Variants in VGF observed in about 807,000 individuals in gnomAD.
The protein encoded by VGF is VGF nerve growth factor inducible, also known as neurosecretory protein VGF.
VGF carries 13 observed loss-of-function variants against 41.1 expected under a neutral mutation model. That is an observed-to-expected ratio of 0.32 (90% CI 0.21 to 0.50). The LOEUF is 0.50. Ranked by LOEUF, VGF falls within the 20% of genes least tolerant of loss-of-function variation. VGF has a pLI of 0.98. For synonymous variants in VGF, 473 were observed against 418.3 expected, an observed-to-expected ratio of 1.13 and a Z score of -1.60; for missense variants, 920 against 882.1, an observed-to-expected ratio of 1.04 and a Z score of -0.54.
intron 1 of VGF, 99 bp from the exon 2 acceptor site, chr7:101,164,962 C>T (rs1043964745): frequency 1.4e-6 from 2 of 1,418,862 alleles, no homozygotes; most frequent in East Asian, 2.6e-5. Flanking sequence ...AAACCCGGGG[C>T]TTCCCTGATC....
upstream of VGF, chr7:101,165,646 T>G: frequency 3.0e-6 from 3 of 985,178 alleles, no homozygotes; most frequent in Non-Finnish European, 3.6e-6. Context: ...CCCATTGACG[T>G]CAATGTTCAT....
In VGF at chr7:101,163,011, C is replaced by A. The variant is rs774539635; in HGVS notation, c.1833G>T (p.Leu611=). Residue 611 remains leucine (L), a synonymous_variant, in exon 2 of 2, where the codon CTG becomes CTT. Transcript: ENST00000249330. This position sits in a 1 kb window ranked among gnomAD's most constrained non-coding sequence, Gnocchi z 5.0. ...GGAAGGGCAGTCACGGGCGCCGGAG[C>A]AGCACGTGCTCGATGTAATTCTCCA... The part of the protein sequence containing the change: ...EELENYIEHV[L]LRRP 1 of 1,502,954 alleles carries A rather than the reference C, an allele frequency of 6.7e-7. No homozygotes were observed. The highest frequency in any genetic ancestry group is 2.7e-5 in the East Asian group (1 of 36,534). The allele number at this position is 1,502,954 out of a possible 1,614,324, so 93.1% of individuals were successfully genotyped here.
At chr7:101,166,788 C>A (rs1797226550), upstream of VGF, among the ~76,000 whole-genome samples, 1 of 57,160 alleles carries the variant, frequency 1.7e-5, no homozygotes, top group Admixed American at 2.5e-4. Flanking sequence ...GGGGGGAGGA[C>A]GGAAATGGGG....
chr7:101,163,016 C>T lies in VGF; in HGVS notation c.1828G>A (p.Val610Met). 1 of 1,530,886 alleles carries T rather than the reference C, an allele frequency of 6.5e-7. No homozygotes were observed. The highest frequency in any genetic ancestry group is 8.8e-7 in the Non-Finnish European group (1 of 1,142,788). 94.8% of individuals were successfully genotyped at this position (1,530,886 alleles called of 1,614,324 possible). ...QEELENYIEH[V>M]LLRRP is the part of the protein sequence containing the mutation. The stretch of plus-strand genomic sequence containing the variant: ...GGCAGTCACGGGCGCCGGAGCAGCA[C>T]GTGCTCGATGTAATTCTCCAGCTCC... The change falls in exon 2 of 2, where the codon GTG (valine) becomes ATG (methionine). Residue 610 changes from valine to methionine, a missense_variant. Val to Met is a conservative substitution (Grantham distance 21, BLOSUM62 1). Coordinates refer to ENST00000249330, the MANE Select transcript of VGF (RefSeq NM_003378.4). This position sits in a 1 kb window ranked among gnomAD's most constrained non-coding sequence, Gnocchi z 5.0.
rs1797159463 is a variant in VGF, at chr7:101,163,686, G to C, written c.1158C>G (p.Ala386=). ...CCTCCTCCGCCTCTGCCTCCGCCTCGGCCGCCTCCTCATCCTCTTCCCCCA... is the reference window on the plus strand; with the variant it reads ...CCTCCTCCGCCTCTGCCTCCGCCTCCGCCGCCTCCTCATCCTCTTCCCCCA... ...ERVGEEDEEA[A]EAEAEAEEAE... is the part of the protein sequence containing the mutation. The change falls in exon 2 of 2, where the codon GCC becomes GCG. Residue 386 remains alanine, a synonymous_variant. Transcript: ENST00000249330. This position sits in a 1 kb window ranked among gnomAD's most constrained non-coding sequence, Gnocchi z 5.0. 1.3e-6 allele frequency: 2 copies of C among 1,536,336 alleles called. No homozygotes were observed. The highest frequency in any genetic ancestry group is 1.7e-6 in the Non-Finnish European group (2 of 1,146,676).
chr7:101,163,993 C>T lies in VGF; in HGVS notation c.851G>A (p.Ser284Asn). 5 of 1,470,372 alleles carry T rather than the reference C, an allele frequency of 3.4e-6. No homozygotes were observed. Among genetic ancestry groups the T allele is most frequent in the Admixed American group, 2.7e-5 (1 of 36,980 alleles). The allele number at this position is 1,470,372 out of a possible 1,614,324, so 91.1% of individuals were successfully genotyped here. A position where few individuals can be genotyped will look rare whatever the true frequency, so the allele number is the denominator to read the frequency against. The change falls in exon 2 of 2, where the codon AGC (serine) becomes AAC (asparagine). Residue 284 changes from serine (S) to asparagine (N), a missense_variant. Physicochemically the swap from Ser to Asn is conservative, Grantham distance 46. This residue lies in a region of VGF where 654 missense variants were observed against 638.4 expected (regional missense o/e 1.02). Coordinates refer to ENST00000249330, the MANE Select transcript of VGF (RefSeq NM_003378.4). The surrounding 1 kb of genome is among the most constrained non-coding windows in gnomAD (Gnocchi z 5.0). Reference protein sequence around the residue: ...APFPKARRPESALLGGSEAGE... With the variant: ...APFPKARRPENALLGGSEAGE... ...CGCCTCGGAGCCGCCCAGGAGTGCG[C>T]TCTCCGGCCGGCGCGCCTTGGGGAA...
upstream of VGF, among the ~76,000 whole-genome samples, chr7:101,169,725 A>G (rs1209204214): frequency 7.9e-5 from 12 of 152,124 alleles, no homozygotes; most frequent in Admixed American, 7.9e-4. Flanking sequence ...CCACACGCAC[A>G]TAGTAACATA....
chr7:101,165,319 C>G, intron 1 of VGF, 55 bp downstream of exon 1: 1 of 986,260 alleles, frequency 1.0e-6, no homozygotes, highest in Non-Finnish European at 1.2e-6. Flanking sequence ...AGAACCCTCC[C>G]TCACGCCCAC....
rs1268633381 is a variant in VGF at position 101,163,693 on chromosome 7, T to G, written c.1151A>C (p.Glu384Ala). ...CGCCTCTGCCTCCGCCTCGGCCGCC[T>G]CCTCATCCTCTTCCCCCACCCTCTC... ...GEERVGEEDE[E>A]AAEAEAEAEE... Residue 384 changes from glutamate to alanine, a missense_variant, in exon 2 of 2, where the codon GAG becomes GCG. Transcript: ENST00000249330. The surrounding 1 kb of genome is among the most constrained non-coding windows in gnomAD (Gnocchi z 5.0). 1.6e-5 allele frequency: 25 copies of G among 1,534,722 alleles called. No homozygotes were observed. The highest frequency in any genetic ancestry group is 2.0e-5 in the Non-Finnish European group (23 of 1,146,350).
upstream of VGF, among the ~76,000 whole-genome samples, chr7:101,166,519 G>GGT (rs1013877044): frequency 1.3e-5 from 2 of 150,288 alleles, no homozygotes; most frequent in Non-Finnish European, 3.0e-5. Context: ...CGCAGGTGGG[G>GGT]GGGGGGTGAC....
At chr7:101,165,085 G>T (rs1369396097) in intron 1 of VGF, 2 of 1,237,616 alleles carry the variant, frequency 1.6e-6, no homozygotes, top group Non-Finnish European at 2.0e-6. Context: ...GCTTACCCAG[G>T]GCCTCCTCGG....
In VGF at chr7:101,163,054, A is replaced by G. The variant is rs868795608; in HGVS notation, c.1790T>C (p.Leu597Pro). Residue 597 changes from leucine (L) to proline (P), a missense_variant, in exon 2 of 2, where the codon CTG (leucine) becomes CCG (proline). Physicochemically the swap from Leu to Pro is moderately conservative, Grantham distance 98. This residue lies in a region of VGF where 257 missense variants were observed against 217.2 expected (regional missense o/e 1.18). Transcript: ENST00000249330. The surrounding 1 kb of genome is among the most constrained non-coding windows in gnomAD (Gnocchi z 5.0). ...QEEAEAEERRLQEQEELENYI... is the reference protein window; with the variant it reads ...QEEAEAEERRPQEQEELENYI... Reference sequence around the variant, plus strand: ...ATTCTCCAGCTCCTCCTGCTCCTGCAGCCGGCGCTCCTCCGCCTCCGCCTC... The same window carrying G: ...ATTCTCCAGCTCCTCCTGCTCCTGCGGCCGGCGCTCCTCCGCCTCCGCCTC... The G allele has an allele frequency of 6.4e-7, 1 of 1,571,244 alleles. No individual in the cohort carries two copies. Among genetic ancestry groups the G allele is most frequent in the Non-Finnish European group, 8.6e-7 (1 of 1,163,468 alleles).
At chr7:101,167,088 T>C (rs1797233372), upstream of VGF, among the ~76,000 whole-genome samples, 1 of 152,050 alleles carries the variant, frequency 6.6e-6, no homozygotes, top group South Asian at 2.1e-4. The surrounding 1 kb of genome is among the most constrained non-coding windows in gnomAD (Gnocchi z 4.2). Flanking sequence ...GCCCCCCTCC[T>C]CACCTCTTCC....
At position 101,162,704 on chromosome 7, in the gene VGF, G is replaced by T. The variant is rs1797126044; in HGVS notation, c.*292C>A. 1.8e-6 allele frequency: 1 copy of T among 542,278 alleles called. No homozygotes were observed. The highest frequency in any genetic ancestry group is 2.5e-5 in the Admixed American group (1 of 39,288). The allele number at this position is 542,278 out of a possible 1,614,324, so 33.6% of individuals were successfully genotyped here. ...AACTGCTTTTTCCGGTTTCCGACGG[G>T]GACGTCCCCAGAGGGACTTGATGGG... On this transcript the variant is annotated 3_prime_UTR_variant, in exon 2 of 2. Transcript: ENST00000249330. The surrounding 1 kb of genome is among the most constrained non-coding windows in gnomAD (Gnocchi z 4.2).
rs141458667 is a variant in VGF, at chr7:101,163,521, C to G, written c.1323G>C (p.Glu441Asp). 638 of 1,609,574 alleles carry G rather than the reference C, an allele frequency of 4.0e-4. 1 individual carries two copies. The highest frequency in any genetic ancestry group is 4.5e-4 in the South Asian group (41 of 90,316). Residue 441 changes from glutamate to aspartate, a missense_variant, in exon 2 of 2, where the codon GAG becomes GAC. Coordinates refer to ENST00000249330, the MANE Select transcript of VGF (RefSeq NM_003378.4). This position sits in a 1 kb window ranked among gnomAD's most constrained non-coding sequence, Gnocchi z 5.0. ...EAEGTEEGGE[E>D]EDDEEMDPQT... Reference sequence around the variant, plus strand: ...GCGGATCCATCTCCTCGTCGTCCTCCTCCTCCCCGCCCTCCTCTGTCCCCT... The same window carrying G: ...GCGGATCCATCTCCTCGTCGTCCTCGTCCTCCCCGCCCTCCTCTGTCCCCT...
In VGF at chr7:101,162,990, G is replaced by A. The variant is rs1797133962; in HGVS notation, c.*6C>T. ...GGGCGCGCGGGGGCGGGACCGGGAA[G>A]GGCAGTCACGGGCGCCGGAGCAGCA... On this transcript the variant is annotated 3_prime_UTR_variant, in exon 2 of 2. Coordinates refer to ENST00000249330, the MANE Select transcript of VGF (RefSeq NM_003378.4). The surrounding 1 kb of genome is among the most constrained non-coding windows in gnomAD (Gnocchi z 4.2). The A allele has an allele frequency of 1.4e-6, 2 of 1,387,676 alleles. No homozygotes were observed. The highest frequency in any genetic ancestry group is 1.9e-6 in the Non-Finnish European group (2 of 1,059,514). 86.0% of individuals were successfully genotyped at this position (1,387,676 alleles called of 1,614,324 possible).
chr7:101,163,584 G>A lies in VGF; in HGVS notation c.1260C>T (p.Ser420=). 1 of 1,572,162 alleles carries A rather than the reference G, an allele frequency of 6.4e-7. No homozygotes were observed. Among genetic ancestry groups the A allele is most frequent in the Admixed American group, 1.9e-5 (1 of 53,772 alleles). ...GCCGGTGGCCCGGCGTCTCCTCCTG[G>A]GAGCGCTTGTCCTCGGCGCCGGCTT... ...DGEAGAEDKR[S]QEETPGHRRK... Residue 420 remains serine (S), a synonymous_variant, in exon 2 of 2, where the codon TCC becomes TCT. Coordinates refer to ENST00000249330, the MANE Select transcript of VGF (RefSeq NM_003378.4). The surrounding 1 kb of genome is among the most constrained non-coding windows in gnomAD (Gnocchi z 5.0).
chr7:101,165,481 G>A lies in VGF; in HGVS notation c.-128C>T. 1 of 985,500 alleles carries A rather than the reference G, an allele frequency of 1.0e-6. No homozygotes were observed. The allele number at this position is 985,500 out of a possible 1,614,324, so 61.0% of individuals were successfully genotyped here. On this transcript the variant is annotated 5_prime_UTR_variant, in exon 1 of 2. Coordinates refer to ENST00000249330, the MANE Select transcript of VGF (RefSeq NM_003378.4). ...GCTCCGAGCGGTGGCCGGGGTAGGA[G>A]CGACGGTCGAGGTCTGGCGTCCCGT...
At position 101,164,429 on chromosome 7, in the gene VGF, G is replaced by A; in HGVS notation, c.415C>T (p.Arg139Cys). 1.2e-6 allele frequency: 2 copies of A among 1,607,352 alleles called. No individual in the cohort carries two copies. Among genetic ancestry groups the A allele is most frequent in the Non-Finnish European group, 1.7e-6 (2 of 1,178,534 alleles). Residue 139 changes from arginine to cysteine, a missense_variant, in exon 2 of 2, where the codon CGC (arginine) becomes TGC (cysteine). Coordinates refer to ENST00000249330, the MANE Select transcript of VGF (RefSeq NM_003378.4). ...PESPEPAAPP[R>C]PQTPENGPEA... is the part of the protein sequence containing the mutation. ...GGCCCATTCTCCGGAGTCTGAGGGC[G>A]AGGCGGAGCCGCGGGCTCCGGGCTC...
Sources: gnomAD v4.1 joint callset for allele counts (sites outside exome capture counted in the v4.1 genomes callset) on GRCh38, gnomAD v4.1.1 for gene constraint, gnomAD v4.1.1 regional missense constraint, Gnocchi (gnomAD v3.1) non-coding constraint, MANE v1.5 for transcripts, NCBI Gene and HGNC (gene_info 2026-07-23, HGNC 2026-07-21) for gene names.